The following MTMR7 variants were observed in gnomAD, a reference collection of about 807,000 sequenced individuals.
MTMR7 encodes the protein myotubularin related protein 7, also known as phosphatidylinositol-3-phosphate phosphatase MTMR7.
A neutral mutation model predicts 81.2 loss-of-function variants in MTMR7; 76 were observed. The ratio of observed to expected loss-of-function variants is 0.94; its 90% CI spans 0.78 to 1.13. MTMR7 has a LOEUF of 1.13. MTMR7 is among the 50% of genes most tolerant of loss of function. MTMR7 has a pLI of 0.00. For missense variants in MTMR7, 1,044 were observed against 820.0 expected (o/e 1.27, Z -3.34); for synonymous variants, 372 against 289.8 (o/e 1.28, Z -2.88).
chr8:17,314,992 C>G (rs2082241650), intron 7 of MTMR7, among the ~76,000 whole-genome samples: 1 of 152,112 alleles, frequency 6.6e-6, no homozygotes, highest in Non-Finnish European at 1.5e-5. Context: ...GAAAAATACA[C>G]ACAATGATTC....
intron 7 of MTMR7, among the ~76,000 whole-genome samples, chr8:17,328,575 G>C (rs554609192): frequency 6.6e-6 from 1 of 152,006 alleles, no homozygotes; most frequent in Non-Finnish European, 1.5e-5. Context: ...GGCGGGGGTG[G>C]GGGAGTGGAG....
rs552281773 is a variant in MTMR7 at position 17,408,333 on chromosome 8, G to C, written c.24+4936C>G. On this transcript the variant is annotated intron_variant, in intron 1 of 13. Coordinates refer to ENST00000180173, the MANE Select transcript of MTMR7 (RefSeq NM_004686.5). ...GAACCCGGGAGGCGGAGCTTGCAGT[G>C]AGCCGAGATTGCGCCACTGCAGTCC... 1.6e-3 allele frequency among the ~76,000 whole-genome samples: 93 copies of C among 57,792 alleles called. 14 individuals carry two copies. Among genetic ancestry groups the C allele is most frequent in the Admixed American group, 7.5e-3 (21 of 2,804 alleles). 37.9% of individuals were successfully genotyped at this position (57,792 alleles called of 152,430 possible).
intron 7 of MTMR7, among the ~76,000 whole-genome samples, chr8:17,318,791 C>T (rs1818235449): frequency 6.6e-6 from 1 of 152,158 alleles, no homozygotes; most frequent in Non-Finnish European, 1.5e-5. Context: ...AGTTCTGTGC[C>T]CCCCAGGGAC....
Position 17,341,352 on chromosome 8 carries a change from G to A in MTMR7, c.732+11C>T. 6.2e-7 allele frequency: 1 copy of A among 1,613,806 alleles called. No individual in the cohort carries two copies. The highest frequency in any genetic ancestry group is 8.5e-7 in the Non-Finnish European group (1 of 1,179,746). On this transcript the variant is annotated intron_variant, in intron 6 of 13. Transcript: ENST00000180173. ...AGGTGCAAAGACATGCATCGCAACGGTGACACTTACTTTAGGCCGGGTGTC... is the reference window on the plus strand; with the variant it reads ...AGGTGCAAAGACATGCATCGCAACGATGACACTTACTTTAGGCCGGGTGTC...
chr8:17,359,342 A>C (rs1819993296), intron 4 of MTMR7, among the ~76,000 whole-genome samples: 1 of 152,098 alleles, frequency 6.6e-6, no homozygotes, highest in South Asian at 2.1e-4. Context: ...ACTCACACAT[A>C]ATTATAGCAA....
chr8:17,388,103 A>G (rs12114309), intron 1 of MTMR7, among the ~76,000 whole-genome samples: 10,584 of 152,246 alleles, frequency 0.07, 1,024 homozygotes, highest in African/African-American at 0.21. Context: ...TACAAACATT[A>G]TGCCAGCAGC....
chr8:17,336,235 C>A (rs569850751), intron 6 of MTMR7, among the ~76,000 whole-genome samples: 51 of 152,296 alleles, frequency 3.3e-4, no homozygotes, highest in Middle Eastern at 3.4e-3. Context: ...ACACCCACCC[C>A]AGTCACCTAC....
At chr8:17,345,243 C>A (rs369812730) in intron 5 of MTMR7, among the ~76,000 whole-genome samples, 52 of 152,370 alleles carry the variant, frequency 3.4e-4, no homozygotes, top group African/African-American at 1.2e-3. Flanking sequence ...TCTGCTCCTG[C>A]AGGTAAGGTT....
rs1335859306 is a variant in MTMR7, at chr8:17,304,373, A to C, written c.1493+6T>G. ...ATGGCTACAAAGTTACCAAGGATTT[A>C]CATACTTGTACATGAAGTTACATGG... On this transcript the variant is annotated splice_donor_region_variant and intron_variant, in intron 12 of 13. Transcript: ENST00000180173. The C allele has an allele frequency of 6.2e-7, 1 of 1,609,938 alleles. No homozygotes were observed. The highest frequency in any genetic ancestry group is 1.7e-5 in the Admixed American group (1 of 59,922).
At chr8:17,387,925 GTT>G (rs1402246957) in intron 1 of MTMR7, among the ~76,000 whole-genome samples, 1 of 152,112 alleles carries the variant, frequency 6.6e-6, no homozygotes, top group Non-Finnish European at 1.5e-5. Context: ...CTATACATTT[GTT>G]AAAACAGCAG....
At chr8:17,368,163 ATG>A (rs1235294220) in intron 3 of MTMR7, among the ~76,000 whole-genome samples, 2 of 152,154 alleles carry the variant, frequency 1.3e-5, no homozygotes, top group East Asian at 3.9e-4. Flanking sequence ...GATCCCTCGC[ATG>A]TACGGTTCAC....
At chr8:17,364,852 C>T (rs1377850729) in intron 3 of MTMR7, among the ~76,000 whole-genome samples, 1 of 152,234 alleles carries the variant, frequency 6.6e-6, no homozygotes, top group Non-Finnish European at 1.5e-5. Context: ...AACGTGGCTA[C>T]TGTGAATAGT....
At chr8:17,353,938 A>T (rs1219926817) in intron 4 of MTMR7, among the ~76,000 whole-genome samples, 1 of 152,204 alleles carries the variant, frequency 6.6e-6, no homozygotes, top group Non-Finnish European at 1.5e-5. Flanking sequence ...CAGCTGCAAG[A>T]GCAGAAATGA....
intron 6 of MTMR7, among the ~76,000 whole-genome samples, chr8:17,336,095 T>C (rs564138373): frequency 1.6e-4 from 25 of 152,328 alleles, no homozygotes; most frequent in African/African-American, 6.0e-4. Flanking sequence ...CTCTCTGGCA[T>C]AGCGTCCAAG....
Position 17,305,971 on chromosome 8 carries a change from C to A in MTMR7, c.1152-14G>T. 1 of 1,587,284 alleles carries A rather than the reference C, an allele frequency of 6.3e-7. No individual in the cohort carries two copies. The highest frequency in any genetic ancestry group is 1.7e-5 in the Admixed American group (1 of 57,276). ...AGATTGCCATATCTATAAAACAAAGCATTAGAGACTTTTTAAGGCAGATTT... is the reference window on the plus strand; with the variant it reads ...AGATTGCCATATCTATAAAACAAAGAATTAGAGACTTTTTAAGGCAGATTT... On this transcript the variant is annotated splice_polypyrimidine_tract_variant and intron_variant, in intron 10 of 13. Coordinates refer to ENST00000180173, the MANE Select transcript of MTMR7 (RefSeq NM_004686.5).
chr8:17,373,305 A>C, intron 1 of MTMR7, 65 bp from the exon 2 acceptor site: 1 of 1,542,194 alleles, frequency 6.5e-7, no homozygotes, highest in Non-Finnish European at 8.8e-7. Flanking sequence ...GAAATAAATG[A>C]TAACAGGGTA....
intron 7 of MTMR7, among the ~76,000 whole-genome samples, chr8:17,318,711 G>A (rs895396833): frequency 5.3e-5 from 8 of 152,144 alleles, no homozygotes; most frequent in African/African-American, 1.9e-4. Context: ...GGAAGGTGAC[G>A]TGAAGTGGCA....
rs893733813 is a variant in MTMR7 at position 17,296,920 on chromosome 8, A to C, written c.*2942T>G. On this transcript the variant is annotated 3_prime_UTR_variant, in exon 14 of 14. Coordinates refer to ENST00000180173, the MANE Select transcript of MTMR7 (RefSeq NM_004686.5). ...GCAGTGTGATCAGTTATCTGCATTT[A>C]ACAAATAGACAAATCAGTTTACATA... 4 of 152,192 alleles carry C rather than the reference A, an allele frequency of 2.6e-5. No homozygotes were observed. The highest frequency in any genetic ancestry group is 4.1e-4 in the South Asian group (2 of 4,822). 9.4% of individuals were successfully genotyped at this position (152,192 alleles called of 1,614,324 possible). A position where few individuals can be genotyped will look rare whatever the true frequency, so the allele number is the denominator to read the frequency against.
intron 10 of MTMR7, among the ~76,000 whole-genome samples, chr8:17,308,372 A>G (rs1817601841): frequency 6.6e-6 from 1 of 152,166 alleles, no homozygotes; most frequent in Non-Finnish European, 1.5e-5. Context: ...GGGGGCTTTA[A>G]TTTTCTCATT....
Sources: allele counts gnomAD v4.1 joint callset (sites outside exome capture counted in the v4.1 genomes callset), GRCh38; gene constraint gnomAD v4.1.1; transcripts MANE v1.5; gene names NCBI Gene and HGNC (gene_info 2026-07-23, HGNC 2026-07-21).